Variants in DTNA observed in about 807,000 individuals in gnomAD.
DTNA encodes dystrophin-related protein 3.
DTNA carries 43 observed loss-of-function variants against 100.7 expected under a neutral mutation model. That is an observed-to-expected ratio of 0.43 (90% confidence interval 0.33 to 0.55). The LOEUF (loss-of-function observed/expected upper bound fraction) is 0.55. Ranked by LOEUF, DTNA falls within the 20% of genes least tolerant of loss-of-function variation. DTNA has a pLI of 0.04. For missense variants in DTNA, 798 were observed against 953.9 expected, an observed-to-expected ratio of 0.84 and a Z score of 2.15; for synonymous variants, 349 against 347.9, an observed-to-expected ratio of 1.00 and a Z score of -0.04.
chr18:34,564,995 T>C (rs2046962668), intron 1 of DTNA, among the ~76,000 whole-genome samples: 1 of 152,244 alleles, frequency 6.6e-6, no homozygotes. Flanking sequence ...TTAATTTGCA[T>C]GCACTCTACC....
rs549701786 is a variant in DTNA, at chr18:34,499,449, C to T, written c.-2+5935C>T. ...CTACTACAACTAAAACTACGATAGA[C>T]GTTCATGTAAATATTTTTGTATTAA... On this transcript the variant is annotated intron_variant, in intron 1 of 19. Coordinates refer to the DTNA transcript ENST00000283365. 1.4e-4 allele frequency among the ~76,000 whole-genome samples: 21 copies of T among 152,226 alleles called. No homozygotes were observed. In the South Asian group the frequency reaches 3.5e-3, roughly 26 times the overall value.
intron 5 of DTNA, among the ~76,000 whole-genome samples, chr18:34,809,935 G>T (rs934801260): frequency 2.2e-4 from 33 of 152,072 alleles, no homozygotes; most frequent in Admixed American, 7.2e-4. Flanking sequence ...GATGAAGGGC[G>T]CCCCCTGCAG....
chr18:34,784,855 T>A (rs2094453962), intron 3 of DTNA, among the ~76,000 whole-genome samples: 2 of 152,180 alleles, frequency 1.3e-5, no homozygotes, highest in South Asian at 4.1e-4. Flanking sequence ...TGTGTGTATA[T>A]GCATATGGCA....
chr18:34,888,942 G>C lies in DTNA; in HGVS notation c.*1208G>C. 1.0e-6 allele frequency: 1 copy of C among 985,864 alleles called. No individual in the cohort carries two copies. The highest frequency in any genetic ancestry group is 1.7e-5 in the African/African-American group (1 of 57,354). 61.1% of individuals were successfully genotyped at this position (985,864 alleles called of 1,614,324 possible). A position where few individuals can be genotyped will look rare whatever the true frequency, so the allele number is the denominator to read the frequency against. ...TCTGTGGTCATGTGAAAGGAGACAG[G>C]CTCTTCTAAGTTGAGTTGGGATTTT... On this transcript the variant is annotated 3_prime_UTR_variant, in exon 23 of 23. Transcript: ENST00000444659.
chr18:34,581,275 A>G (rs1256116041), intron 1 of DTNA, among the ~76,000 whole-genome samples: 1 of 142,578 alleles, frequency 7.0e-6, no homozygotes, highest in African/African-American at 2.6e-5. Flanking sequence ...AACAAAACAA[A>G]AAAACAAAAC....
intron 1 of DTNA, among the ~76,000 whole-genome samples, chr18:34,516,621 C>T (rs2041649923): frequency 6.6e-6 from 1 of 152,132 alleles, no homozygotes; most frequent in Admixed American, 6.6e-5. Flanking sequence ...AACGCATTCT[C>T]TTTCTCAGGG....
intron 1 of DTNA, among the ~76,000 whole-genome samples, chr18:34,635,186 A>G (rs2148212459): frequency 1.3e-5 from 2 of 152,284 alleles, no homozygotes; most frequent in Middle Eastern, 3.4e-3. Context: ...TGTTGTTGCA[A>G]ATGACAAGAT....
intron 1 of DTNA, among the ~76,000 whole-genome samples, chr18:34,566,282 TA>T (rs1181691091): frequency 1.9e-3 from 265 of 141,072 alleles, no homozygotes; most frequent in East Asian, 2.2e-3. Flanking sequence ...AATTAATCTT[TA>T]AAAAAAAAAA....
upstream of DTNA, among the ~76,000 whole-genome samples, chr18:34,707,245 A>G (rs961022827): frequency 3.9e-5 from 6 of 152,182 alleles, no homozygotes; most frequent in Non-Finnish European, 7.3e-5. Flanking sequence ...CTATGGGACT[A>G]GGATTTGGCA....
At chr18:34,735,263 A>G (rs2089305142) in intron 1 of DTNA, among the ~76,000 whole-genome samples, 1 of 152,100 alleles carries the variant, frequency 6.6e-6, no homozygotes, top group Admixed American at 6.6e-5. Flanking sequence ...CTGGCAGCTG[A>G]TTAGATTGTA....
chr18:34,810,484 A>G (rs1230424768), intron 5 of DTNA, among the ~76,000 whole-genome samples: 1 of 151,976 alleles, frequency 6.6e-6, no homozygotes, highest in Non-Finnish European at 1.5e-5. Flanking sequence ...CTAAAAAAAA[A>G]AAACTGAACT....
At chr18:34,799,376 G>A (rs1025806094) in intron 4 of DTNA, among the ~76,000 whole-genome samples, 7 of 152,068 alleles carry the variant, frequency 4.6e-5, no homozygotes, top group South Asian at 2.1e-4. Flanking sequence ...TCTGTCTTTC[G>A]AATTTAAAAA....
chr18:34,805,399 A>G (rs1478107422), intron 4 of DTNA, among the ~76,000 whole-genome samples: 2 of 152,118 alleles, frequency 1.3e-5, no homozygotes, highest in Non-Finnish European at 2.9e-5. Flanking sequence ...ATGTTGGCTC[A>G]CTGCAACCTC....
At chr18:34,883,027 A>C (rs2096888427) in intron 21 of DTNA, among the ~76,000 whole-genome samples, 1 of 152,218 alleles carries the variant, frequency 6.6e-6, no homozygotes, top group African/African-American at 2.4e-5. Context: ...GGAGTATGTT[A>C]GCCACCTGAA....
At chr18:34,672,346 G>A (rs2076872849) in intron 1 of DTNA, among the ~76,000 whole-genome samples, 1 of 152,052 alleles carries the variant, frequency 6.6e-6, no homozygotes. Flanking sequence ...GAGACTCACT[G>A]GTTTCTCAAC....
intron 1 of DTNA, among the ~76,000 whole-genome samples, chr18:34,552,132 AT>A (rs764204721): frequency 6.6e-6 from 1 of 151,916 alleles, no homozygotes; most frequent in African/African-American, 2.4e-5. Context: ...CTATGTTTAA[AT>A]TTTCTTCAGA....
chr18:34,852,538 T>C lies in DTNA; in HGVS notation c.1532+610T>C, dbSNP rs149791090. 2.7e-4 allele frequency among the ~76,000 whole-genome samples: 41 copies of C among 152,270 alleles called. No individual in the cohort carries two copies. In the East Asian group the frequency reaches 7.7e-3, roughly 29 times the overall value. On this transcript the variant is annotated intron_variant, in intron 15 of 22. Transcript: ENST00000444659. ...GTCCTTTTCAAAAACATCAATCTTATGTTATTCCAGGTTTAAACCCTCTAA... is the reference window on the plus strand; with the variant it reads ...GTCCTTTTCAAAAACATCAATCTTACGTTATTCCAGGTTTAAACCCTCTAA...
At chr18:34,820,650 T>C (rs1224103306) in intron 8 of DTNA, 141 bp from the exon 9 acceptor site, 1 of 1,369,496 alleles carries the variant, frequency 7.3e-7, no homozygotes, top group African/African-American at 1.4e-5. Flanking sequence ...TTCCGAGCAT[T>C]GAGCAAACTT....
intron 1 of DTNA, among the ~76,000 whole-genome samples, chr18:34,582,385 C>T (rs74920045): frequency 1.3e-3 from 195 of 152,308 alleles, no homozygotes; most frequent in African/African-American, 4.3e-3. Context: ...TCCAGAGTCT[C>T]ACATGCTCAG....
Sources: allele counts gnomAD v4.1 joint callset (sites outside exome capture counted in the v4.1 genomes callset), GRCh38; gene constraint gnomAD v4.1.1; transcripts MANE v1.5; gene names NCBI Gene and HGNC (gene_info 2026-07-23, HGNC 2026-07-21).